DDHD1: variants seen among roughly 807,000 people sequenced by gnomAD.
DDHD1 encodes the protein phospholipase DDHD1.
Under a neutral mutation model 96.4 loss-of-function variants are expected in DDHD1, and 49 were observed. That is an observed-to-expected ratio of 0.51 (90% CI 0.40 to 0.64). The LOEUF is 0.64. DDHD1 is among the 30% of genes least tolerant of loss of function. The pLI, the probability that DDHD1 is intolerant of heterozygous loss-of-function variation, is 0.00. For missense variants in DDHD1, 1,106 were observed against 1,161.2 expected (o/e 0.95, Z 0.69); for synonymous variants, 442 against 446.5 (o/e 0.99, Z 0.13).
intron 4 of DDHD1, among the ~76,000 whole-genome samples, chr14:53,079,892 G>C (rs1360415033): frequency 6.6e-6 from 1 of 152,082 alleles, no homozygotes; most frequent in Non-Finnish European, 1.5e-5. Context: ...ATAGTACCTG[G>C]AAGTAGGTTT....
intron 1 of DDHD1, among the ~76,000 whole-genome samples, chr14:53,112,352 G>A (rs1888170932): frequency 6.6e-6 from 1 of 152,114 alleles, no homozygotes. Context: ...AGAAGGCAGA[G>A]GTTGCAGTGA....
intron 1 of DDHD1, among the ~76,000 whole-genome samples, chr14:53,149,086 A>G (rs570360142): frequency 6.6e-6 from 1 of 152,192 alleles, no homozygotes; most frequent in Admixed American, 6.5e-5. Context: ...ATATTTTTTC[A>G]TATGTAATAA....
intron 7 of DDHD1, among the ~76,000 whole-genome samples, chr14:53,062,487 CATATAATTATGTTTATACATATAACAT>C (rs527687889): frequency 6.6e-4 from 100 of 151,894 alleles, no homozygotes; most frequent in African/African-American, 2.2e-3. Context: ...TTATATAACA[CATATAATTATGTTTATACATATAACAT>C]GTAAAAAAAT....
chr14:53,113,326 T>C lies in DDHD1; in HGVS notation c.839-9470A>G, dbSNP rs139994189. Among the ~76,000 whole-genome samples the C allele has an allele frequency of 2.1e-3, 302 of 145,754 alleles. 1 individual carries two copies. Among genetic ancestry groups the C allele is most frequent in the African/African-American group, 7.4e-3 (283 of 38,198 alleles). ...TAGAAGAAATTATTTATAATGCATA[T>C]AGCCATTCTATATTTTCTTTTTCTT... On this transcript the variant is annotated intron_variant, in intron 1 of 12. Coordinates refer to ENST00000673822, the MANE Select transcript of DDHD1 (RefSeq NM_001160148.2).
chr14:53,057,535 A>G (rs1883163251), intron 9 of DDHD1, among the ~76,000 whole-genome samples: 2 of 152,362 alleles, frequency 1.3e-5, no homozygotes, highest in South Asian at 2.1e-4. Flanking sequence ...CAGAGAGTCT[A>G]CAAAATACAT....
intron 3 of DDHD1, 59 bp downstream of exon 3, chr14:53,093,257 T>C: frequency 3.3e-6 from 5 of 1,528,650 alleles, no homozygotes; most frequent in Non-Finnish European, 4.4e-6. Flanking sequence ...CTATTTTGAA[T>C]ATGAGAGAAA....
At chr14:53,129,763 C>A (rs761253661) in intron 1 of DDHD1, among the ~76,000 whole-genome samples, 24 of 152,154 alleles carry the variant, frequency 1.6e-4, no homozygotes, top group Non-Finnish European at 2.9e-4. Context: ...CTTGCCTGAC[C>A]TAAAAACCTA....
At chr14:53,103,430 T>A (rs1195325057) in intron 2 of DDHD1, 3 of 395,236 alleles carry the variant, frequency 7.6e-6, no homozygotes, top group African/African-American at 4.2e-5. Flanking sequence ...GAGTGCATTG[T>A]AACAATCTGT....
At chr14:53,067,278 C>T (rs1171229592) in intron 6 of DDHD1, among the ~76,000 whole-genome samples, 1 of 151,736 alleles carries the variant, frequency 6.6e-6, no homozygotes, top group African/African-American at 2.4e-5. Flanking sequence ...TCTGCCTTAC[C>T]CTCACCAGTA....
At chr14:53,080,051 C>T (rs1158955103) in intron 4 of DDHD1, among the ~76,000 whole-genome samples, 1 of 152,128 alleles carries the variant, frequency 6.6e-6, no homozygotes, top group Non-Finnish European at 1.5e-5. Context: ...TTTGCTATTG[C>T]TAATCTGATA....
chr14:53,071,845 T>C (rs1025251229), intron 6 of DDHD1, among the ~76,000 whole-genome samples: 23 of 152,196 alleles, frequency 1.5e-4, no homozygotes, highest in African/African-American at 5.3e-4. Flanking sequence ...GGCTATATTG[T>C]GAACACAGAA....
chr14:53,076,947 T>C (rs998537616), intron 4 of DDHD1, among the ~76,000 whole-genome samples: 1 of 152,246 alleles, frequency 6.6e-6, no homozygotes, highest in Non-Finnish European at 1.5e-5. Flanking sequence ...TTATATGCAC[T>C]GAGAAGCCAA....
At chr14:53,148,232 C>T (rs1463900438) in intron 1 of DDHD1, among the ~76,000 whole-genome samples, 1 of 151,996 alleles carries the variant, frequency 6.6e-6, no homozygotes, top group Non-Finnish European at 1.5e-5. Context: ...AATTAAATAA[C>T]TTTATTAGTT....
intron 6 of DDHD1, among the ~76,000 whole-genome samples, chr14:53,070,256 T>A (rs1301074734): frequency 6.6e-6 from 1 of 152,192 alleles, no homozygotes; most frequent in Non-Finnish European, 1.5e-5. Flanking sequence ...TTTGCAAGTA[T>A]AATTCATTAT....
At chr14:53,060,096 A>G (rs185903906) in intron 8 of DDHD1, among the ~76,000 whole-genome samples, 76 of 152,308 alleles carry the variant, frequency 5.0e-4, no homozygotes, top group Non-Finnish European at 1.0e-3. Flanking sequence ...GCATCATTCC[A>G]CATCTTAACC....
At chr14:53,139,858 A>G (rs1248356761) in intron 1 of DDHD1, among the ~76,000 whole-genome samples, 3 of 152,010 alleles carry the variant, frequency 2.0e-5, no homozygotes, top group African/African-American at 7.2e-5. Context: ...AAAAAAAAAA[A>G]AAATCAACAG....
chr14:53,110,120 T>C (rs1271517687), intron 1 of DDHD1, among the ~76,000 whole-genome samples: 3 of 152,260 alleles, frequency 2.0e-5, no homozygotes, highest in African/African-American at 4.8e-5. Context: ...TCATCCAAGA[T>C]GCTGCCTCCT....
chr14:53,102,871 G>C (rs1001347813), intron 2 of DDHD1, among the ~76,000 whole-genome samples: 1 of 151,676 alleles, frequency 6.6e-6, no homozygotes, highest in African/African-American at 2.4e-5. Flanking sequence ...TGTTTTAGGA[G>C]GGGAAGGGAA....
At chr14:53,048,338 G>GT (rs34204835) in intron 12 of DDHD1, among the ~76,000 whole-genome samples, 3,642 of 130,386 alleles carry the variant, frequency 0.028, 53 homozygotes, top group Middle Eastern at 0.044. Flanking sequence ...TTTTTGGGCT[G>GT]TTTTTTTTTT....
Sources: allele counts gnomAD v4.1 joint callset (sites outside exome capture counted in the v4.1 genomes callset), GRCh38; gene constraint gnomAD v4.1.1; transcripts MANE v1.5; gene names NCBI Gene and HGNC (gene_info 2026-07-23, HGNC 2026-07-21).